The following ADK variants were observed in gnomAD, a reference collection of about 807,000 sequenced individuals.
ADK encodes adenosine kinase.
In ADK, 24 loss-of-function variants were observed where a neutral mutation model predicts 44.7. That is an observed-to-expected ratio of 0.54 (90% confidence interval 0.39 to 0.76). ADK has a LOEUF of 0.76. ADK is among the 30% of genes least tolerant of loss of function. ADK has a pLI of 0.00. For missense variants in ADK, 321 were observed against 425.1 expected (o/e 0.76, Z 2.15); for synonymous variants, 128 against 142.6 (o/e 0.90, Z 0.73).
At chr10:74,514,449 C>CTT (rs965737931) in intron 6 of ADK, among the ~76,000 whole-genome samples, 1 of 145,724 alleles carries the variant, frequency 6.9e-6, no homozygotes, top group Non-Finnish European at 1.5e-5. Context: ...TTTTCATTCT[C>CTT]TTTTTTTTTT....
At chr10:74,276,378 G>A (rs146152589) in intron 3 of ADK, among the ~76,000 whole-genome samples, 18 of 152,300 alleles carry the variant, frequency 1.2e-4, no homozygotes, top group African/African-American at 4.3e-4. Flanking sequence ...GATGACAGGG[G>A]TATTGCTTTC....
chr10:74,325,227 A>T (rs566368394), intron 4 of ADK, among the ~76,000 whole-genome samples: 1 of 151,946 alleles, frequency 6.6e-6, no homozygotes, highest in African/African-American at 2.4e-5. Flanking sequence ...ATCACTAGGT[A>T]TTTTAGCTAT....
At chr10:74,602,954 T>C (rs1297918460) in intron 9 of ADK, among the ~76,000 whole-genome samples, 1 of 152,342 alleles carries the variant, frequency 6.6e-6, no homozygotes, top group African/African-American at 2.4e-5. Context: ...TAATTCGTTC[T>C]CATGTCAGGA....
intron 4 of ADK, among the ~76,000 whole-genome samples, chr10:74,393,418 C>T (rs1843406176): frequency 6.6e-6 from 1 of 152,078 alleles, no homozygotes; most frequent in African/African-American, 2.4e-5. Context: ...ATAATAATTA[C>T]TTCAATGAAA....
chr10:74,290,988 A>G (rs1181622466), intron 3 of ADK, among the ~76,000 whole-genome samples: 9 of 152,342 alleles, frequency 5.9e-5, no homozygotes, highest in East Asian at 5.8e-4. Context: ...AATAATAATA[A>G]TAAGTGCTAT....
intron 7 of ADK, among the ~76,000 whole-genome samples, chr10:74,552,643 G>C (rs537049574): frequency 2.7e-5 from 4 of 150,074 alleles, no homozygotes; most frequent in Non-Finnish European, 5.9e-5. Context: ...TTAAGATAAT[G>C]AATTGTCCAG....
At chr10:74,523,959 A>G (rs1190503986) in intron 6 of ADK, among the ~76,000 whole-genome samples, 1 of 152,114 alleles carries the variant, frequency 6.6e-6, no homozygotes, top group Non-Finnish European at 1.5e-5. Flanking sequence ...TTCATTACCC[A>G]TGATCCACCC....
chr10:74,609,977 G>A lies in ADK; in HGVS notation c.877+9484G>A, dbSNP rs1252945300. On this transcript the variant is annotated intron_variant, in intron 9 of 10. Transcript: ENST00000539909. The stretch of plus-strand genomic sequence containing the variant: ...CATACCAATCATTGTTTCAGTCCTT[G>A]CAGGTTAATTGAGTTTCAAAAAAAT... Among the ~76,000 whole-genome samples the A allele has an allele frequency of 1.1e-4, 16 of 152,052 alleles. 1 individual carries two copies. The highest frequency in any genetic ancestry group is 3.6e-4 in the African/African-American group (15 of 41,390).
intron 6 of ADK, among the ~76,000 whole-genome samples, chr10:74,523,493 T>A (rs1193386939): frequency 6.6e-6 from 1 of 152,192 alleles, no homozygotes; most frequent in African/African-American, 2.4e-5. Flanking sequence ...CCTTTTTTAT[T>A]TCCTCTAATT....
chr10:74,238,223 T>C (rs1845049222), intron 3 of ADK, among the ~76,000 whole-genome samples: 1 of 152,196 alleles, frequency 6.6e-6, no homozygotes, highest in Non-Finnish European at 1.5e-5. Context: ...TAGATTCTTA[T>C]CACACACACA....
intron 3 of ADK, among the ~76,000 whole-genome samples, chr10:74,232,649 G>A (rs1280665398): frequency 6.7e-6 from 1 of 148,232 alleles, no homozygotes; most frequent in East Asian, 2.0e-4. Flanking sequence ...TTTTTGAGAC[G>A]GAGTCTTGCT....
chr10:74,482,789 C>T (rs1243450043), intron 6 of ADK, among the ~76,000 whole-genome samples: 1 of 152,218 alleles, frequency 6.6e-6, no homozygotes, highest in African/African-American at 2.4e-5. Flanking sequence ...TCTTTAAACT[C>T]CAGAATAATC....
At position 74,209,520 on chromosome 10, in the gene ADK, T is replaced by C. The variant is rs182302013; in HGVS notation, c.140+8682T>C. The stretch of plus-strand genomic sequence containing the variant: ...AGCAGCACAAGGGGACCAAGACATA[T>C]ACCAAATGAATGAGATATATACTGA... On this transcript the variant is annotated intron_variant, in intron 2 of 10. Transcript: ENST00000539909. Among the ~76,000 whole-genome samples, 331 of 152,304 alleles carry C rather than the reference T, an allele frequency of 2.2e-3. 2 individuals are homozygous for C. The highest frequency in any genetic ancestry group is 7.5e-3 in the African/African-American group (313 of 41,546).
chr10:74,152,737 A>T (rs1258307269), intron 1 of ADK, among the ~76,000 whole-genome samples: 1 of 152,206 alleles, frequency 6.6e-6, no homozygotes, highest in Non-Finnish European at 1.5e-5. Context: ...ACAATTGAAG[A>T]TATTGAAGCC....
chr10:74,576,462 T>G (rs1276624195), intron 7 of ADK, among the ~76,000 whole-genome samples: 1 of 152,146 alleles, frequency 6.6e-6, no homozygotes, highest in Non-Finnish European at 1.5e-5. Context: ...TCTGAAAGAA[T>G]AAAAGGGAAT....
chr10:74,451,998 C>T (rs1331628763), intron 6 of ADK, among the ~76,000 whole-genome samples: 5 of 151,106 alleles, frequency 3.3e-5, no homozygotes, highest in Non-Finnish European at 1.5e-5. Context: ...TGTGTTTGCT[C>T]ATGTTAGACA....
intron 8 of ADK, among the ~76,000 whole-genome samples, chr10:74,598,441 CTTTTTTTTTTTTT>C (rs915433699): frequency 2.7e-5 from 3 of 111,772 alleles, no homozygotes; most frequent in Admixed American, 9.0e-5. Context: ...AATCTTATTC[CTTTTTTTTTTTTT>C]TTTTTTTTTT....
intron 1 of ADK, among the ~76,000 whole-genome samples, chr10:74,151,704 A>T (rs1017881209): frequency 5.3e-5 from 8 of 151,996 alleles, no homozygotes; most frequent in Non-Finnish European, 1.2e-4. Context: ...TTCCCGGGGG[A>T]TGGCGGGAAA....
At chr10:74,488,414 A>G (rs918036294) in intron 6 of ADK, among the ~76,000 whole-genome samples, 5 of 149,982 alleles carry the variant, frequency 3.3e-5, no homozygotes, top group African/African-American at 1.2e-4. Context: ...TGTAAAGAAT[A>G]TGTTCTAATT....
Sources: allele counts gnomAD v4.1 joint callset (sites outside exome capture counted in the v4.1 genomes callset), GRCh38; gene constraint gnomAD v4.1.1; transcripts MANE v1.5; gene names NCBI Gene and HGNC (gene_info 2026-07-23, HGNC 2026-07-21).